Variants in JAG1 observed in about 807,000 individuals in gnomAD.
JAG1 encodes the protein protein jagged-1.
JAG1 carries 23 observed loss-of-function variants against 148.7 expected under a neutral mutation model. The ratio of observed to expected loss-of-function variants is 0.15; its 90% confidence interval spans 0.11 to 0.22. The LOEUF (loss-of-function observed/expected upper bound fraction) is 0.22, where lower values mean the gene tolerates loss of function less well. Among genes scored for constraint, JAG1 ranks in the 10% least tolerant of loss-of-function variants. The probability of loss-of-function intolerance (pLI) is 1.00; values close to 1 mark genes in which losing one functional copy is unlikely to be tolerated. For missense variants in JAG1, 1,054 were observed against 1,611.2 expected (o/e 0.65, Z 5.92); for synonymous variants, 572 against 598.3 (o/e 0.96, Z 0.64).
At chr20:10,654,479 A>G (rs1053296288) in intron 5 of JAG1, among the ~76,000 whole-genome samples, 3 of 152,236 alleles carry the variant, frequency 2.0e-5, no homozygotes, top group Non-Finnish European at 4.4e-5. Context: ...TACCCAGGGA[A>G]AGGGACTCAG....
chr20:10,645,312 G>C lies in JAG1; in HGVS notation c.2113+44C>G, dbSNP rs773641085. ...GTGGCCCCCTCCCACAGAAGACAGA[G>C]GGAAGGGTCCCAGAGATAGCATCCA... is the stretch of plus-strand genomic sequence containing the variant. On this transcript the variant is annotated intron_variant, in intron 16 of 25. Transcript: ENST00000254958. This position sits in a 1 kb window ranked among gnomAD's most constrained non-coding sequence, Gnocchi z 6.1. 1.2e-5 allele frequency: 20 copies of C among 1,605,484 alleles called. No homozygotes were observed. The highest frequency in any genetic ancestry group is 1.7e-5 in the Non-Finnish European group (20 of 1,172,384).
At chr20:10,658,032 G>A (rs1300452645) in intron 4 of JAG1, among the ~76,000 whole-genome samples, 1 of 152,220 alleles carries the variant, frequency 6.6e-6, no homozygotes, top group Non-Finnish European at 1.5e-5. Flanking sequence ...GTAGGGGAAA[G>A]AGCTGAGCAA....
At chr20:10,655,679 A>C (rs2067374163) in intron 5 of JAG1, among the ~76,000 whole-genome samples, 1 of 152,154 alleles carries the variant, frequency 6.6e-6, no homozygotes, top group Admixed American at 6.5e-5. Context: ...GGGAGAGCAA[A>C]GCATTAAGAC....
Position 10,658,678 on chromosome 20 carries a change from T to C in JAG1, c.484A>G (p.Asn162Asp). 6.2e-7 allele frequency: 1 copy of C among 1,614,246 alleles called. No individual in the cohort carries two copies. Reference protein sequence around the residue: ...IEKASHSGMINPSRQWQTLKQ... With the variant: ...IEKASHSGMIDPSRQWQTLKQ... ...AGCGTCTGCCACTGCCGGCTGGGGT[T>C]GATCATGCCCGAGTGAGAAGCCTTT... Residue 162 changes from asparagine (N) to aspartate (D), a missense_variant, in exon 4 of 26, where the codon AAC becomes GAC. Transcript: ENST00000254958.
rs558755760 is a variant in JAG1 at position 10,640,962 on chromosome 20, T to C, written c.3049-29A>G. On this transcript the variant is annotated intron_variant, in intron 24 of 25. Coordinates refer to ENST00000254958, the MANE Select transcript of JAG1 (RefSeq NM_000214.3). ...GAAAAACAATTGTCAGACTTGAGAG[T>C]CAGAGGAATACTCAAAGCAGCCTTT... 1.1e-4 allele frequency: 178 copies of C among 1,613,688 alleles called. 4 individuals are homozygous for C. The South Asian group carries it at 1.8e-3, about 17-fold the overall frequency.
intron 3 of JAG1, among the ~76,000 whole-genome samples, chr20:10,663,010 G>A (rs1471273637): frequency 1.3e-5 from 2 of 149,510 alleles, no homozygotes; most frequent in African/African-American, 2.5e-5. Flanking sequence ...CACCCACGGT[G>A]TGCATTCACC....
At position 10,645,172 on chromosome 20, in the gene JAG1, C is replaced by T. The variant is rs779874619; in HGVS notation, c.2198G>A (p.Gly733Asp). The T allele has an allele frequency of 3.7e-6, 6 of 1,614,088 alleles. No individual in the cohort carries two copies. Among genetic ancestry groups the T allele is most frequent in the Non-Finnish European group, 4.2e-6 (5 of 1,180,014 alleles). Residue 733 changes from glycine (G) to aspartate (D), a missense_variant, in exon 17 of 26, where the codon GGC (glycine) becomes GAC (aspartate). Gly to Asp is a moderately conservative substitution (Grantham distance 94). This residue lies in a region of JAG1 where 342 missense variants were observed against 514.6 expected (regional missense o/e 0.66). Coordinates refer to ENST00000254958, the MANE Select transcript of JAG1 (RefSeq NM_000214.3). This position sits in a 1 kb window ranked among gnomAD's most constrained non-coding sequence, Gnocchi z 6.1. ...GTTACAGGTTGTTCCTTCCCAGCCG[C>T]CAGGACACATGCACTTAAAAGCATC... Reference protein sequence around the residue: ...EGDAFKCMCPGGWEGTTCNIA... With the variant: ...EGDAFKCMCPDGWEGTTCNIA...
chr20:10,645,512 G>C lies in JAG1; in HGVS notation c.2000-43C>G, dbSNP rs1397223167. On this transcript the variant is annotated intron_variant, in intron 15 of 25. Coordinates refer to ENST00000254958, the MANE Select transcript of JAG1 (RefSeq NM_000214.3). The surrounding 1 kb of genome is among the most constrained non-coding windows in gnomAD (Gnocchi z 6.1). ...ACAATCGGCTGAAGACGAGATCCAG[G>C]ACCATTCACGACAGGCGAGAGCCAA... 1 of 1,488,566 alleles carries C rather than the reference G, an allele frequency of 6.7e-7. No individual in the cohort carries two copies. Among genetic ancestry groups the C allele is most frequent in the Admixed American group, 1.7e-5 (1 of 59,870 alleles). 92.2% of individuals were successfully genotyped at this position (1,488,566 alleles called of 1,614,324 possible).
intron 8 of JAG1, 198 bp downstream of exon 8, chr20:10,651,383 G>C: frequency 1.8e-6 from 1 of 564,346 alleles, no homozygotes; most frequent in Non-Finnish European, 3.2e-6. Context: ...AGATACATGC[G>C]CTACCTTAGT....
intron 5 of JAG1, among the ~76,000 whole-genome samples, chr20:10,655,102 C>T (rs2067370011): frequency 6.6e-6 from 1 of 152,204 alleles, no homozygotes; most frequent in Admixed American, 6.5e-5. Flanking sequence ...AGGAAATAAA[C>T]TATCTTTCTG....
intron 20 of JAG1, among the ~76,000 whole-genome samples, chr20:10,643,066 C>T (rs911325351): frequency 6.6e-6 from 1 of 152,232 alleles, no homozygotes; most frequent in African/African-American, 2.4e-5. Flanking sequence ...TGGATACGGC[C>T]CCTGGGCCAC....
chr20:10,664,373 AACAC>A (rs59417356), intron 2 of JAG1, among the ~76,000 whole-genome samples: 2,627 of 144,616 alleles, frequency 0.018, 56 homozygotes, highest in African/African-American at 0.05. Context: ...TGCATGAGGA[AACAC>A]ACACACACAC....
At chr20:10,649,318 T>C (rs562200776) in intron 10 of JAG1, among the ~76,000 whole-genome samples, 2 of 152,294 alleles carry the variant, frequency 1.3e-5, no homozygotes, top group East Asian at 3.9e-4. Flanking sequence ...AGCCACATTA[T>C]CAGAATATGG....
intron 6 of JAG1, 23 bp downstream of exon 6, chr20:10,652,445 G>T: frequency 6.2e-7 from 1 of 1,613,740 alleles, no homozygotes; most frequent in Non-Finnish European, 8.5e-7. Flanking sequence ...TCCCACCCTG[G>T]GTCTCATCCC....
In JAG1 at chr20:10,668,105, A is replaced by C. The variant is rs1017851650; in HGVS notation, c.388-4091T>G. Among the ~76,000 whole-genome samples, 38 of 151,424 alleles carry C rather than the reference A, an allele frequency of 2.5e-4. 1 individual carries two copies. The highest frequency in any genetic ancestry group is 4.9e-4 in the Non-Finnish European group (33 of 67,842). ...TCACTGGCACCATAAAAAAAAAAAA[A>C]AAAAAAAAAAACAGCAGTCACAGGG... is the stretch of plus-strand genomic sequence containing the variant. On this transcript the variant is annotated intron_variant, in intron 2 of 25. Transcript: ENST00000254958.
chr20:10,668,679 T>C (rs1277249552), intron 2 of JAG1, among the ~76,000 whole-genome samples: 1 of 152,162 alleles, frequency 6.6e-6, no homozygotes, highest in African/African-American at 2.4e-5. Context: ...CTGTTTTTTT[T>C]TTTTTAAGTA....
chr20:10,644,462 T>C (rs2067294444), intron 18 of JAG1, 78 bp from the exon 19 acceptor site: 2 of 1,120,996 alleles, frequency 1.8e-6, no homozygotes, highest in Non-Finnish European at 2.7e-6. Flanking sequence ...CCACCACTTA[T>C]TTTCCTAATA....
intron 2 of JAG1, among the ~76,000 whole-genome samples, chr20:10,668,209 G>C (rs984553967): frequency 1.3e-5 from 2 of 151,870 alleles, no homozygotes; most frequent in African/African-American, 4.8e-5. Flanking sequence ...CCAAAGTAAA[G>C]GTGGGATTTT....
intron 2 of JAG1, among the ~76,000 whole-genome samples, chr20:10,666,762 T>C (rs971670126): frequency 7.2e-5 from 11 of 152,198 alleles, no homozygotes; most frequent in African/African-American, 2.7e-4. Flanking sequence ...TGGCAGCTGG[T>C]TCCCATTCTG....
Sources: allele counts gnomAD v4.1 joint callset (sites outside exome capture counted in the v4.1 genomes callset), GRCh38; gene constraint gnomAD v4.1.1; regional missense constraint gnomAD v4.1.1; non-coding constraint Gnocchi (gnomAD v3.1); transcripts MANE v1.5; gene names NCBI Gene and HGNC (gene_info 2026-07-23, HGNC 2026-07-21).